SUGCT: variants seen among roughly 807,000 people sequenced by gnomAD.
The protein encoded by SUGCT is succinyl-CoA:glutarate CoA-transferase.
SUGCT carries 41 observed loss-of-function variants against 55.0 expected under a neutral mutation model. The ratio of observed to expected loss-of-function variants is 0.74; its 90% CI spans 0.58 to 0.97. SUGCT has a LOEUF of 0.97. Among genes scored for constraint, SUGCT ranks in the 50% least tolerant of loss-of-function variants. SUGCT has a pLI of 0.00. For synonymous variants in SUGCT, 187 were observed against 200.4 expected, an observed-to-expected ratio of 0.93 and a Z score of 0.56; for missense variants, 568 against 547.8, an observed-to-expected ratio of 1.04 and a Z score of -0.37.
chr7:40,725,761 C>G (rs1786581832), intron 12 of SUGCT, among the ~76,000 whole-genome samples: 1 of 152,108 alleles, frequency 6.6e-6, no homozygotes, highest in Non-Finnish European at 1.5e-5. Context: ...TTCCCAGAAT[C>G]ACTGTGTTCT....
At chr7:40,224,682 A>G (rs1459658249) in intron 6 of SUGCT, among the ~76,000 whole-genome samples, 4 of 152,244 alleles carry the variant, frequency 2.6e-5, no homozygotes, top group Non-Finnish European at 1.5e-5. Flanking sequence ...CATGCATGGA[A>G]TACTGTAAAT....
the SUGCT span, among the ~76,000 whole-genome samples, chr7:40,902,295 C>A: frequency 1.3e-5 from 2 of 152,070 alleles, no homozygotes; most frequent in Non-Finnish European, 2.9e-5. Flanking sequence ...AAAATCAAAA[C>A]CAGCCGGGTG....
chr7:40,190,751 A>G (rs1022847629), intron 5 of SUGCT, among the ~76,000 whole-genome samples: 69 of 152,256 alleles, frequency 4.5e-4, no homozygotes, highest in African/African-American at 1.6e-3. Context: ...GTTGTATAGT[A>G]TTCTTCTGTA....
intron 12 of SUGCT, among the ~76,000 whole-genome samples, chr7:40,613,540 G>A (rs973734985): frequency 6.6e-6 from 1 of 152,046 alleles, no homozygotes; most frequent in African/African-American, 2.4e-5. Context: ...GGAAAGATGA[G>A]CTCAATGGTG....
chr7:40,951,840 T>C, the SUGCT span, among the ~76,000 whole-genome samples: 1 of 152,218 alleles, frequency 6.6e-6, no homozygotes, highest in African/African-American at 2.4e-5. Flanking sequence ...ATTTCTGTTC[T>C]TTTACATTTG....
chr7:40,412,173 C>A (rs1367308711), intron 9 of SUGCT, among the ~76,000 whole-genome samples: 1 of 152,194 alleles, frequency 6.6e-6, no homozygotes, highest in Non-Finnish European at 1.5e-5. Flanking sequence ...GTAGTGTTCC[C>A]AATCCACAAA....
At chr7:40,435,368 T>A (rs116058554) in intron 9 of SUGCT, among the ~76,000 whole-genome samples, 391 of 152,298 alleles carry the variant, frequency 2.6e-3, no homozygotes, top group Middle Eastern at 0.017. Flanking sequence ...ATTGTTAGCA[T>A]GCTTGCCTTT....
At chr7:40,612,214 C>G (rs1261307561) in intron 12 of SUGCT, among the ~76,000 whole-genome samples, 1 of 152,146 alleles carries the variant, frequency 6.6e-6, no homozygotes, top group Non-Finnish European at 1.5e-5. Context: ...AGATAACAGT[C>G]TCTTCTTCAT....
intron 9 of SUGCT, among the ~76,000 whole-genome samples, chr7:40,414,769 G>A (rs1033594350): frequency 9.9e-5 from 15 of 151,990 alleles, no homozygotes; most frequent in Admixed American, 8.5e-4. Flanking sequence ...TTGGCTGGGC[G>A]CGGTGGCTCA....
intron 13 of SUGCT, among the ~76,000 whole-genome samples, chr7:40,831,578 T>C (rs973270586): frequency 6.6e-6 from 1 of 152,230 alleles, no homozygotes; most frequent in Non-Finnish European, 1.5e-5. Flanking sequence ...CAGTCATCCT[T>C]GAAGCCCTAT....
intron 12 of SUGCT, among the ~76,000 whole-genome samples, chr7:40,632,414 G>T (rs960262770): frequency 6.6e-6 from 1 of 151,452 alleles, no homozygotes; most frequent in African/African-American, 2.4e-5. Context: ...GCCATGGGTG[G>T]TGGTATTCAG....
the SUGCT span, among the ~76,000 whole-genome samples, chr7:40,917,920 G>C: frequency 6.6e-6 from 1 of 151,984 alleles, no homozygotes; most frequent in Non-Finnish European, 1.5e-5. Flanking sequence ...CATCACATTG[G>C]GGGTTAGGAC....
intron 7 of SUGCT, among the ~76,000 whole-genome samples, chr7:40,249,376 A>G (rs1790201518): frequency 2.2e-5 from 3 of 138,388 alleles, no homozygotes; most frequent in African/African-American, 7.9e-5. Context: ...TATTATATAC[A>G]AATATTACAT....
rs1297335392 is a variant in SUGCT at position 40,161,402 on chromosome 7, CACACTCTTA to C, written c.101-19539_101-19531del. Among the ~76,000 whole-genome samples the C allele has an allele frequency of 3.9e-4, 60 of 152,182 alleles. 1 individual carries two copies. In the South Asian group the frequency reaches 0.012, roughly 31 times the overall value. On this transcript the variant is annotated intron_variant, in intron 1 of 13. Coordinates refer to ENST00000335693, the MANE Select transcript of SUGCT (RefSeq NM_001193313.2). ...TTTGTGTCAAGAGGCTCTTTGTATT[CACACTCTTA>C]ACACTGCAACACTCCACTGTCTTCA...
intron 12 of SUGCT, among the ~76,000 whole-genome samples, chr7:40,678,444 C>A (rs925523879): frequency 6.6e-6 from 1 of 152,138 alleles, no homozygotes; most frequent in African/African-American, 2.4e-5. Flanking sequence ...ACCCATACTT[C>A]CCTTTTTCAC....
At chr7:40,183,641 A>C (rs1785340376) in intron 3 of SUGCT, among the ~76,000 whole-genome samples, 1 of 152,120 alleles carries the variant, frequency 6.6e-6, no homozygotes, top group Non-Finnish European at 1.5e-5. Context: ...ATTTTTTTCT[A>C]TTCCCAATAA....
In SUGCT at chr7:40,181,013, A is replaced by G. The variant is rs1785168377; in HGVS notation, c.152+15A>G. The G allele has an allele frequency of 1.3e-6, 2 of 1,591,174 alleles. No homozygotes were observed. Among genetic ancestry groups the G allele is most frequent in the Admixed American group, 3.4e-5 (2 of 59,278 alleles). On this transcript the variant is annotated intron_variant, in intron 2 of 13. Transcript: ENST00000335693. Reference sequence around the variant, plus strand: ...GATCTAACAAGGTTTGTATTGGTTTATCTACATTTTGGTGATTGGGTTTTT... The same window carrying G: ...GATCTAACAAGGTTTGTATTGGTTTGTCTACATTTTGGTGATTGGGTTTTT...
Position 40,324,261 on chromosome 7 carries a change from A to ATATATATATTTATTTATT in SUGCT, c.816+7409_816+7410insATATATTTATTTATTTAT, listed in dbSNP as rs377215730. Among the ~76,000 whole-genome samples the ATATATATATTTATTTATT allele has an allele frequency of 6.7e-3, 673 of 99,944 alleles. 6 individuals are homozygous for ATATATATATTTATTTATT. Among genetic ancestry groups the ATATATATATTTATTTATT allele is most frequent in the Non-Finnish European group, 9.8e-3 (502 of 51,190 alleles). 65.6% of individuals were successfully genotyped at this position (99,944 alleles called of 152,430 possible). ...AATAAATAAATAAATAAATATATATATATTTATTTTTTGAGACAGAGTCTT... is the reference window on the plus strand; with the variant it reads ...AATAAATAAATAAATAAATATATATATATATATATTTATTTATTTATTTATTTTTTGAGACAGAGTCTT... On this transcript the variant is annotated intron_variant, in intron 9 of 13. Coordinates refer to ENST00000335693, the MANE Select transcript of SUGCT (RefSeq NM_001193313.2).
At chr7:40,908,382 CAAAAAA>C in the SUGCT span, among the ~76,000 whole-genome samples, 1 of 82,628 alleles carries the variant, frequency 1.2e-5, no homozygotes, top group Non-Finnish European at 2.5e-5. Context: ...GACTCTGTCT[CAAAAAA>C]AAAAAAAAAA....
Sources: gnomAD v4.1 joint callset for allele counts (sites outside exome capture counted in the v4.1 genomes callset) on GRCh38, gnomAD v4.1.1 for gene constraint, MANE v1.5 for transcripts, NCBI Gene and HGNC (gene_info 2026-07-23, HGNC 2026-07-21) for gene names.